CENPL: variants seen among roughly 807,000 people sequenced by gnomAD.
CENPL encodes centromere protein L, also known as interphase centromere complex protein 33.
A neutral mutation model predicts 35.2 loss-of-function variants in CENPL; 20 were observed. That is an observed-to-expected ratio of 0.57 (90% CI 0.40 to 0.83). The LOEUF (loss-of-function observed/expected upper bound fraction) is 0.83, where lower values mean the gene tolerates loss of function less well. Among genes scored for constraint, CENPL ranks in the 40% least tolerant of loss-of-function variants. CENPL has a pLI of 0.00. For synonymous variants in CENPL, 140 were observed against 140.6 expected (o/e 1.00, Z 0.03); for missense variants, 363 against 395.8 (o/e 0.92, Z 0.70).
chr1:173,814,205 G>A (rs1651131168), intron 2 of CENPL, among the ~76,000 whole-genome samples: 1 of 152,096 alleles, frequency 6.6e-6, no homozygotes, highest in Admixed American at 6.6e-5. Context: ...GACCTAGAAA[G>A]AGACTTAGAC....
chr1:173,808,007 A>G (rs1425657281), intron 3 of CENPL, among the ~76,000 whole-genome samples: 1 of 152,174 alleles, frequency 6.6e-6, no homozygotes. Context: ...TAAGTGTTCA[A>G]TAAATATTTA....
At chr1:173,811,709 G>C (rs1650840943) in intron 2 of CENPL, among the ~76,000 whole-genome samples, 6 of 152,234 alleles carry the variant, frequency 3.9e-5, no homozygotes, top group Admixed American at 3.9e-4. Context: ...CAAGATGGCT[G>C]AATAGGAACA....
intron 2 of CENPL, among the ~76,000 whole-genome samples, chr1:173,812,210 G>C (rs1055186450): frequency 1.3e-5 from 2 of 152,262 alleles, no homozygotes; most frequent in African/African-American, 4.8e-5. Context: ...AAGGCCTACT[G>C]CCTCTATAGA....
At chr1:173,810,474 T>G (rs1034673024) in intron 3 of CENPL, among the ~76,000 whole-genome samples, 1 of 151,864 alleles carries the variant, frequency 6.6e-6, no homozygotes, top group Non-Finnish European at 1.5e-5. Context: ...CACGTTTACC[T>G]AGAAAACAAA....
In CENPL at chr1:173,811,227, T is replaced by C. The variant is rs1353856360; in HGVS notation, c.73A>G (p.Thr25Ala). The change falls in exon 3 of 6, where the codon ACT becomes GCT. Residue 25 changes from threonine (T) to alanine (A), a missense_variant. Coordinates refer to ENST00000682279, the MANE Select transcript of CENPL (RefSeq NM_001387287.1). ...GATTCTAATCGTTTCTGCAGAGGAG[T>C]GGCACCTATAAAGTAATCTTCAGGT... Reference protein sequence around the residue: ...SRPEDYFIGATPLQKRLESVR... With the variant: ...SRPEDYFIGAAPLQKRLESVR... 6.2e-7 allele frequency: 1 copy of C among 1,613,528 alleles called. No homozygotes were observed. The highest frequency in any genetic ancestry group is 2.2e-5 in the East Asian group (1 of 44,866).
intron 4 of CENPL, chr1:173,806,519 G>C: frequency 2.3e-6 from 1 of 440,034 alleles, no homozygotes; most frequent in South Asian, 1.6e-5. Context: ...AGGAGACAGA[G>C]GTTGCAGTCA....
rs112063167 is a variant in CENPL at position 173,816,744 on chromosome 1, G to A, written c.-7-5438C>T. ...ACCATAAAAACCCTAGAAGAAAACC[G>A]AGGCACTATCAATCAGGACACAGGC... On this transcript the variant is annotated intron_variant, in intron 2 of 5. Coordinates refer to ENST00000682279, the MANE Select transcript of CENPL (RefSeq NM_001387287.1). 2.5e-3 allele frequency among the ~76,000 whole-genome samples: 379 copies of A among 152,186 alleles called. 1 individual carries two copies. The highest frequency in any genetic ancestry group is 8.7e-3 in the African/African-American group (360 of 41,506).
intron 3 of CENPL, 96 bp from the exon 4 acceptor site, chr1:173,807,614 G>A (rs2102576338): frequency 3.9e-6 from 4 of 1,037,028 alleles, no homozygotes; most frequent in Non-Finnish European, 5.4e-6. Context: ...ATATATTATT[G>A]AGTACCTGAT....
At chr1:173,801,990 T>C (rs1367279462) in intron 5 of CENPL, among the ~76,000 whole-genome samples, 1 of 148,770 alleles carries the variant, frequency 6.7e-6, no homozygotes, top group Non-Finnish European at 1.5e-5. Context: ...ACCACTGCAC[T>C]CCAGCCTGGG....
rs1226713917 is a variant in CENPL, at chr1:173,823,956, A to T, written c.-38T>A. The T allele has an allele frequency of 1.3e-5, 2 of 151,562 alleles. No individual in the cohort carries two copies. The highest frequency in any genetic ancestry group is 4.8e-5 in the African/African-American group (2 of 41,272). The allele number at this position is 151,562 out of a possible 1,614,324, so 9.4% of individuals were successfully genotyped here. A position where few individuals can be genotyped will look rare whatever the true frequency, so the allele number is the denominator to read the frequency against. On this transcript the variant is annotated 5_prime_UTR_variant, in exon 2 of 6. The change abolishes an upstream ATG in the 5' untranslated region. Transcript: ENST00000682279. ...AAATGCCGTGATGACGCTGTCACCCATTCCGGATTCACGAATCATTCTTCA... is the reference window on the plus strand; with the variant it reads ...AAATGCCGTGATGACGCTGTCACCCTTTCCGGATTCACGAATCATTCTTCA...
chr1:173,805,476 C>T (rs1439727731), intron 4 of CENPL, among the ~76,000 whole-genome samples: 2 of 149,850 alleles, frequency 1.3e-5, no homozygotes, highest in Non-Finnish European at 2.9e-5. Context: ...GACAGTACCA[C>T]TGCACTCCAA....
In CENPL at chr1:173,803,188, G is replaced by A. The variant is rs770520143; in HGVS notation, c.738C>T (p.Ser246=). 2 of 1,613,538 alleles carry A rather than the reference G, an allele frequency of 1.2e-6. No homozygotes were observed. The highest frequency in any genetic ancestry group is 1.7e-6 in the Non-Finnish European group (2 of 1,179,482). ...TTEFLWSVPC[S]PQSLDISFAI... The stretch of plus-strand genomic sequence containing the variant: ...CGAAAGAAATGTCCAGACTTTGAGG[G>A]CTACAGGGTACAGACCAAAGAAATT... Residue 246 remains serine, a synonymous_variant, in exon 5 of 6, where the codon AGC becomes AGT. Coordinates refer to ENST00000682279, the MANE Select transcript of CENPL (RefSeq NM_001387287.1).
chr1:173,806,273 C>T (rs1178733995), intron 4 of CENPL, among the ~76,000 whole-genome samples: 4 of 152,112 alleles, frequency 2.6e-5, no homozygotes, highest in African/African-American at 9.7e-5. Flanking sequence ...ACAGAAGCAG[C>T]AGGCATGAAT....
At chr1:173,816,437 T>TA (rs1651383051) in intron 2 of CENPL, among the ~76,000 whole-genome samples, 2 of 152,192 alleles carry the variant, frequency 1.3e-5, no homozygotes, top group African/African-American at 4.8e-5. Flanking sequence ...TAAACTATAC[T>TA]ACAAGGCCAC....
intron 2 of CENPL, among the ~76,000 whole-genome samples, chr1:173,816,173 A>G (rs1254037642): frequency 2.0e-5 from 3 of 152,108 alleles, no homozygotes; most frequent in East Asian, 1.9e-4. Flanking sequence ...ACTGCTCAAC[A>G]AAATAAAAGA....
intron 5 of CENPL, among the ~76,000 whole-genome samples, chr1:173,802,396 C>T (rs1266456400): frequency 1.3e-5 from 2 of 151,912 alleles, no homozygotes; most frequent in East Asian, 1.9e-4. Context: ...TTAGTGGAGA[C>T]GGGGTTTCAC....
intron 2 of CENPL, among the ~76,000 whole-genome samples, chr1:173,821,252 A>G (rs1269364227): frequency 6.6e-6 from 1 of 152,230 alleles, no homozygotes; most frequent in Non-Finnish European, 1.5e-5. Context: ...GCTAACAAAT[A>G]GGAAATCAGA....
intron 3 of CENPL, among the ~76,000 whole-genome samples, chr1:173,809,168 C>T (rs1202810157): frequency 6.6e-6 from 1 of 152,076 alleles, no homozygotes; most frequent in Non-Finnish European, 1.5e-5. Context: ...TGGTGAAACC[C>T]GGTCTCTACT....
At chr1:173,817,415 C>T (rs377549355) in intron 2 of CENPL, among the ~76,000 whole-genome samples, 1 of 152,232 alleles carries the variant, frequency 6.6e-6, no homozygotes, top group South Asian at 2.1e-4. Flanking sequence ...TGCTCTTCAT[C>T]ACTGGTCATC....
Sources: allele counts gnomAD v4.1 joint callset (sites outside exome capture counted in the v4.1 genomes callset), GRCh38; gene constraint gnomAD v4.1.1; transcripts MANE v1.5; gene names NCBI Gene and HGNC (gene_info 2026-07-23, HGNC 2026-07-21).